Variants in MAP2 observed in about 807,000 individuals in gnomAD.
MAP2 encodes the protein microtubule-associated protein 2.
Under a neutral mutation model 137.6 loss-of-function variants are expected in MAP2, and 14 were observed. That is an observed-to-expected ratio of 0.10 (90% CI 0.07 to 0.16). The LOEUF (loss-of-function observed/expected upper bound fraction) is 0.16. MAP2 is among the 10% of genes least tolerant of loss of function. The probability of loss-of-function intolerance (pLI) is 1.00; values close to 1 mark genes in which losing one functional copy is unlikely to be tolerated. For synonymous variants in MAP2, 786 were observed against 782.3 expected (o/e 1.00, Z -0.08); for missense variants, 2,088 against 2,191.5 (o/e 0.95, Z 0.94).
intron 3 of MAP2, among the ~76,000 whole-genome samples, chr2:209,611,425 A>G (rs927841761): frequency 6.6e-6 from 1 of 152,004 alleles, no homozygotes. Flanking sequence ...ACAAATTTAT[A>G]CAATTCATTA....
chr2:209,453,587 C>T (rs1322711210), intron 1 of MAP2, among the ~76,000 whole-genome samples: 1 of 151,990 alleles, frequency 6.6e-6, no homozygotes, highest in South Asian at 2.1e-4. Context: ...AAAATTAAAG[C>T]CTAAATCATC....
At chr2:209,526,979 A>G (rs1052836010) in intron 2 of MAP2, among the ~76,000 whole-genome samples, 1 of 152,118 alleles carries the variant, frequency 6.6e-6, no homozygotes, top group Non-Finnish European at 1.5e-5. Flanking sequence ...ACTTAATTAA[A>G]CCAGGAGACT....
chr2:209,540,192 G>T (rs2150729612), intron 2 of MAP2, among the ~76,000 whole-genome samples: 1 of 146,158 alleles, frequency 6.8e-6, no homozygotes, highest in East Asian at 2.1e-4. Flanking sequence ...AGATAAAATA[G>T]AAATATATAG....
intron 1 of MAP2, among the ~76,000 whole-genome samples, chr2:209,496,480 A>G (rs558946180): frequency 6.6e-6 from 1 of 152,184 alleles, no homozygotes; most frequent in Non-Finnish European, 1.5e-5. Flanking sequence ...TATTTTGCCT[A>G]ATTATATCAC....
intron 3 of MAP2, among the ~76,000 whole-genome samples, chr2:209,613,643 AAAG>A (rs764521070): frequency 3.0e-4 from 45 of 152,332 alleles, no homozygotes; most frequent in South Asian, 1.2e-3. Context: ...TAGACCACTG[AAAG>A]ACTCAGAGTG....
At chr2:209,620,261 A>G (rs779002043) in intron 3 of MAP2, among the ~76,000 whole-genome samples, 1 of 152,202 alleles carries the variant, frequency 6.6e-6, no homozygotes, top group Non-Finnish European at 1.5e-5. Flanking sequence ...CATTTCTACT[A>G]AATCAGCTTA....
intron 14 of MAP2, among the ~76,000 whole-genome samples, chr2:209,726,097 C>T (rs1033025469): frequency 1.4e-4 from 21 of 152,262 alleles, no homozygotes; most frequent in African/African-American, 5.1e-4. Flanking sequence ...TAAAATACAT[C>T]AGATCATGTA....
rs965620706 is a variant in MAP2 at position 209,696,087 on chromosome 2, C to T, written c.3917C>T (p.Ser1306Phe). The T allele has an allele frequency of 1.2e-6, 2 of 1,613,832 alleles. No individual in the cohort carries two copies. The highest frequency in any genetic ancestry group is 1.7e-6 in the Non-Finnish European group (2 of 1,179,994). The change falls in exon 8 of 16, where the codon TCC becomes TTC. Residue 1306 changes from serine (S) to phenylalanine (F), a missense_variant. Coordinates refer to ENST00000682079, the MANE Select transcript of MAP2 (RefSeq NM_001375505.1). ...QTTTDEGESG[S>F]HSVRFAALEQ... ...ACAACTGATGAAGGGGAGTCAGGGTCCCACAGCGTGCGTTTTGCAGCCCTA... is the reference window on the plus strand; with the variant it reads ...ACAACTGATGAAGGGGAGTCAGGGTTCCACAGCGTGCGTTTTGCAGCCCTA...
chr2:209,589,069 A>G (rs958190348), intron 3 of MAP2, among the ~76,000 whole-genome samples: 2 of 152,152 alleles, frequency 1.3e-5, no homozygotes, highest in Admixed American at 1.3e-4. Flanking sequence ...TAAGCTCCCT[A>G]TGTTATGTTC....
intron 1 of MAP2, among the ~76,000 whole-genome samples, chr2:209,488,919 G>A (rs184076107): frequency 1.3e-4 from 20 of 152,320 alleles, no homozygotes; most frequent in African/African-American, 4.1e-4. Flanking sequence ...AGATCTCCCA[G>A]CATAGTGCTC....
At chr2:209,433,081 A>G (rs888015552) in intron 1 of MAP2, among the ~76,000 whole-genome samples, 1 of 152,140 alleles carries the variant, frequency 6.6e-6, no homozygotes, top group Non-Finnish European at 1.5e-5. Context: ...TGGGTTCCTA[A>G]TATTTAGTAG....
chr2:209,644,706 A>C (rs1262651904), intron 4 of MAP2, among the ~76,000 whole-genome samples: 1 of 151,792 alleles, frequency 6.6e-6, no homozygotes, highest in Non-Finnish European at 1.5e-5. Context: ...ATGAAAATGA[A>C]AGCCAAAGTA....
intron 13 of MAP2, among the ~76,000 whole-genome samples, chr2:209,716,574 A>T (rs2067724044): frequency 6.6e-6 from 1 of 152,146 alleles, no homozygotes; most frequent in Non-Finnish European, 1.5e-5. Context: ...GTTTTAGTGT[A>T]TTTTATGTGT....
chr2:209,517,830 T>TA (rs1559266148), intron 2 of MAP2, among the ~76,000 whole-genome samples: 1 of 151,006 alleles, frequency 6.6e-6, no homozygotes, highest in African/African-American at 2.4e-5. Flanking sequence ...TACAAAGAAA[T>TA]ACAAGCCATG....
At chr2:209,458,166 A>G (rs1469413707) in intron 1 of MAP2, among the ~76,000 whole-genome samples, 1 of 152,128 alleles carries the variant, frequency 6.6e-6, no homozygotes. Context: ...AGGCTTGGCT[A>G]TACTCCCAGA....
At chr2:209,475,411 C>A (rs534544399) in intron 1 of MAP2, among the ~76,000 whole-genome samples, 5 of 151,906 alleles carry the variant, frequency 3.3e-5, no homozygotes, top group Non-Finnish European at 5.9e-5. Flanking sequence ...GTGCAATTGT[C>A]CTGAAACTGC....
intron 11 of MAP2, chr2:209,704,097 A>T (rs2062617474): frequency 2.2e-6 from 1 of 450,110 alleles, no homozygotes; most frequent in African/African-American, 2.0e-5. Flanking sequence ...GGAACTTCCC[A>T]ATAGGAAGTT....
intron 2 of MAP2, among the ~76,000 whole-genome samples, chr2:209,523,943 T>C (rs1414389932): frequency 6.6e-6 from 1 of 152,174 alleles, no homozygotes; most frequent in East Asian, 1.9e-4. Flanking sequence ...GCTTGTCTCA[T>C]TTAGACAAAC....
At chr2:209,611,503 G>A (rs1176901356) in intron 3 of MAP2, among the ~76,000 whole-genome samples, 1 of 151,886 alleles carries the variant, frequency 6.6e-6, no homozygotes, top group Non-Finnish European at 1.5e-5. Flanking sequence ...ATTTAAAGAT[G>A]AAGAAATTAT....
Sources: gnomAD v4.1 joint callset for allele counts (sites outside exome capture counted in the v4.1 genomes callset) on GRCh38, gnomAD v4.1.1 for gene constraint, MANE v1.5 for transcripts, NCBI Gene and HGNC (gene_info 2026-07-23, HGNC 2026-07-21) for gene names.